The following FGD6 variants were observed in gnomAD, a reference collection of about 807,000 sequenced individuals.
FGD6 encodes FYVE, RhoGEF and PH domain containing 6, also known as FYVE, RhoGEF and PH domain-containing protein 6.
Under a neutral mutation model 149.4 loss-of-function variants are expected in FGD6, and 90 were observed. The ratio of observed to expected loss-of-function variants is 0.60; its 90% CI spans 0.51 to 0.72. The LOEUF is 0.72. Among genes scored for constraint, FGD6 ranks in the 30% least tolerant of loss-of-function variants. The probability of loss-of-function intolerance (pLI) is 0.00; values close to 1 mark genes in which losing one functional copy is unlikely to be tolerated. For synonymous variants in FGD6, 527 were observed against 584.0 expected, an observed-to-expected ratio of 0.90 and a Z score of 1.41; for missense variants, 1,437 against 1,684.8, an observed-to-expected ratio of 0.85 and a Z score of 2.57.
chr12:95,085,677 CA>C (rs941680172), intron 19 of FGD6, 102 bp downstream of exon 19: 5 of 1,364,930 alleles, frequency 3.7e-6, no homozygotes, highest in Non-Finnish European at 4.9e-6. Context: ...AAAAGCAAAG[CA>C]AAAAATCTTA....
At chr12:95,183,952 T>G (rs191995049) in intron 2 of FGD6, among the ~76,000 whole-genome samples, 1 of 152,300 alleles carries the variant, frequency 6.6e-6, no homozygotes, top group Non-Finnish European at 1.5e-5. Flanking sequence ...GAAATTACAT[T>G]GAGAGGTGTA....
intron 19 of FGD6, 145 bp from the exon 20 acceptor site, chr12:95,084,791 A>C: frequency 7.3e-6 from 5 of 687,682 alleles, no homozygotes; most frequent in South Asian, 3.3e-5. Flanking sequence ...CTCACTTCTC[A>C]TTTATTCAAT....
intron 19 of FGD6, chr12:95,085,541 G>A (rs996724095): frequency 9.9e-6 from 5 of 505,680 alleles, no homozygotes; most frequent in African/African-American, 5.9e-5. Flanking sequence ...GTAGTCACAC[G>A]ACACACACAA....
intron 3 of FGD6, among the ~76,000 whole-genome samples, chr12:95,168,468 A>C (rs1453215582): frequency 6.6e-6 from 1 of 152,206 alleles, no homozygotes; most frequent in Non-Finnish European, 1.5e-5. Flanking sequence ...GTTTGAGACC[A>C]GCGTGACCAA....
intron 5 of FGD6, among the ~76,000 whole-genome samples, chr12:95,142,133 C>G (rs559370360): frequency 1.4e-4 from 20 of 142,844 alleles, no homozygotes; most frequent in African/African-American, 5.1e-4. Flanking sequence ...ATGCCAGGCT[C>G]ACTTTTGTAT....
At chr12:95,123,160 T>C (rs961676018) in intron 8 of FGD6, among the ~76,000 whole-genome samples, 2 of 150,560 alleles carry the variant, frequency 1.3e-5, no homozygotes, top group African/African-American at 4.9e-5. Context: ...GCACAAAATA[T>C]GGCAAGGAAA....
At chr12:95,123,694 T>C (rs549115879) in intron 8 of FGD6, among the ~76,000 whole-genome samples, 1 of 152,020 alleles carries the variant, frequency 6.6e-6, no homozygotes, top group Admixed American at 6.6e-5. Flanking sequence ...CCCAAGTAGC[T>C]GGGACTACAG....
chr12:95,111,878 G>C (rs1878835761), intron 9 of FGD6, among the ~76,000 whole-genome samples: 1 of 152,014 alleles, frequency 6.6e-6, no homozygotes, highest in Admixed American at 6.6e-5. Context: ...GAATATATAA[G>C]AATCTCTACA....
intron 1 of FGD6, among the ~76,000 whole-genome samples, chr12:95,213,033 T>C (rs1213992180): frequency 6.9e-6 from 1 of 143,892 alleles, no homozygotes; most frequent in Non-Finnish European, 1.5e-5. Flanking sequence ...ATCATCATAG[T>C]TAATTTTGTC....
chr12:95,172,831 T>C (rs1881033704), intron 2 of FGD6, 87 bp from the exon 3 acceptor site: 1 of 1,116,306 alleles, frequency 9.0e-7, no homozygotes, highest in Non-Finnish European at 1.2e-6. Flanking sequence ...CTTATCTTCA[T>C]AATGCAAACA....
At position 95,217,390 on chromosome 12, in the gene FGD6, C is replaced by CA; in HGVS notation, c.-151dup. 7.9e-7 allele frequency: 1 copy of CA among 1,272,456 alleles called. No homozygotes were observed. The allele number at this position is 1,272,456 out of a possible 1,614,324, so 78.8% of individuals were successfully genotyped here. On this transcript the variant is annotated 5_prime_UTR_variant, in exon 1 of 21. Coordinates refer to ENST00000343958, the MANE Select transcript of FGD6 (RefSeq NM_018351.4). ...CCCGCGGCGCAGCCTGAGCGCCACA[C>CA]AAAGGACGCGGCCGACTCTAGCGAC...
At chr12:95,199,049 GA>G (rs893819948) in intron 2 of FGD6, among the ~76,000 whole-genome samples, 4 of 152,272 alleles carry the variant, frequency 2.6e-5, no homozygotes, top group African/African-American at 7.2e-5. Context: ...TACAAAAGGA[GA>G]AAAAAGTGCA....
chr12:95,171,769 T>G (rs952859283), intron 3 of FGD6, among the ~76,000 whole-genome samples: 11 of 151,934 alleles, frequency 7.2e-5, no homozygotes, highest in Non-Finnish European at 1.5e-4. Flanking sequence ...CCCCCCTCGG[T>G]CTCCCAAAGT....
At chr12:95,149,510 TTATA>T (rs972355173) in intron 5 of FGD6, among the ~76,000 whole-genome samples, 7 of 137,502 alleles carry the variant, frequency 5.1e-5, no homozygotes, top group African/African-American at 1.3e-4. Context: ...ATATAGTATA[TTATA>T]TATAGTTTTA....
At chr12:95,187,652 C>CCAA (rs1555222014) in intron 2 of FGD6, among the ~76,000 whole-genome samples, 9 of 106,696 alleles carry the variant, frequency 8.4e-5, no homozygotes, top group Admixed American at 1.9e-4. Context: ...GCTGCGTCCC[C>CCAA]AAAAAAAAAA....
Position 95,142,391 on chromosome 12 carries a change from C to T in FGD6, c.2686-852G>A, listed in dbSNP as rs188816331. Among the ~76,000 whole-genome samples, 20 of 152,216 alleles carry T rather than the reference C, an allele frequency of 1.3e-4. No individual in the cohort carries two copies. In the East Asian group the frequency reaches 3.9e-3, roughly 29 times the overall value. On this transcript the variant is annotated intron_variant, in intron 5 of 20. Coordinates refer to ENST00000343958, the MANE Select transcript of FGD6 (RefSeq NM_018351.4). ...AATTCCTGACCTTCTGATTCGCCCGCCTCAGCCTCCCAAAGTGCTGGGATT... is the reference window on the plus strand; with the variant it reads ...AATTCCTGACCTTCTGATTCGCCCGTCTCAGCCTCCCAAAGTGCTGGGATT...
chr12:95,147,727 T>A (rs572172404), intron 5 of FGD6, among the ~76,000 whole-genome samples: 1 of 152,282 alleles, frequency 6.6e-6, no homozygotes, highest in African/African-American at 2.4e-5. Context: ...TAGCTTACTT[T>A]CTTCATTGAA....
At chr12:95,190,832 C>T (rs895809195) in intron 2 of FGD6, among the ~76,000 whole-genome samples, 1 of 152,074 alleles carries the variant, frequency 6.6e-6, no homozygotes, top group Non-Finnish European at 1.5e-5. Flanking sequence ...AGGAGGATTG[C>T]TTGAGGCCAG....
At chr12:95,149,948 CAT>C (rs1592853199) in intron 5 of FGD6, among the ~76,000 whole-genome samples, 1 of 143,452 alleles carries the variant, frequency 7.0e-6, no homozygotes, top group Admixed American at 7.2e-5. Flanking sequence ...ATATATACTA[CAT>C]ATCATACTAT....
Sources: gnomAD v4.1 joint callset for allele counts (sites outside exome capture counted in the v4.1 genomes callset) on GRCh38, gnomAD v4.1.1 for gene constraint, MANE v1.5 for transcripts, NCBI Gene and HGNC (gene_info 2026-07-23, HGNC 2026-07-21) for gene names.